Variants in RYR2 observed in about 807,000 individuals in gnomAD.
RYR2 encodes the protein cardiac muscle ryanodine receptor-calcium release channel.
A neutral mutation model predicts 601.1 loss-of-function variants in RYR2; 227 were observed. The observed-to-expected ratio is 0.38, with a 90% confidence interval of 0.34 to 0.42. RYR2 has a LOEUF of 0.42. RYR2 is among the 10% of genes least tolerant of loss of function. The probability of loss-of-function intolerance (pLI) is 1.00; values close to 1 mark genes in which losing one functional copy is unlikely to be tolerated. For missense variants in RYR2, 4,646 were observed against 6,156.5 expected (o/e 0.75, Z 8.21); for synonymous variants, 2,223 against 2,175.1 (o/e 1.02, Z -0.61).
Position 237,158,546 on chromosome 1 carries a change from TC to T in RYR2, c.49-111949del, listed in dbSNP as rs547624288. Among the ~76,000 whole-genome samples, 21 of 152,326 alleles carry T rather than the reference TC, an allele frequency of 1.4e-4. No homozygotes were observed. In the South Asian group the frequency reaches 4.4e-3, roughly 32 times the overall value. On this transcript the variant is annotated intron_variant, in intron 1 of 104. Coordinates refer to ENST00000366574, the MANE Select transcript of RYR2 (RefSeq NM_001035.3). ...CAAATCAGACAATTTTCCCTTATTT[TC>T]CTTTTTCTCTCCTGTTTTCTTCTGC...
intron 53 of RYR2, among the ~76,000 whole-genome samples, chr1:237,656,707 G>C (rs1296320654): frequency 6.6e-6 from 1 of 152,084 alleles, no homozygotes; most frequent in Non-Finnish European, 1.5e-5. Flanking sequence ...ATTATCCACG[G>C]CTTCTGAATT....
intron 99 of RYR2, among the ~76,000 whole-genome samples, chr1:237,808,330 T>A (rs768936980): frequency 3.9e-5 from 6 of 152,150 alleles, no homozygotes; most frequent in Non-Finnish European, 8.8e-5. Flanking sequence ...GAAATGCATT[T>A]TATTAGGAAT....
At chr1:237,168,013 A>G (rs571815553) in intron 1 of RYR2, among the ~76,000 whole-genome samples, 124 of 152,300 alleles carry the variant, frequency 8.1e-4, no homozygotes, top group South Asian at 4.4e-3. Context: ...AACAACAACA[A>G]TTCCTTCTTT....
At chr1:237,471,273 C>G (rs1660695368) in intron 17 of RYR2, 1 of 152,250 alleles carries the variant, frequency 6.6e-6, no homozygotes, top group South Asian at 2.1e-4. Context: ...CAACTTGCTT[C>G]TCTATGTCTG....
At chr1:237,795,848 A>ATATATATATC (rs1558433680) in intron 96 of RYR2, among the ~76,000 whole-genome samples, 1 of 118,104 alleles carries the variant, frequency 8.5e-6, no homozygotes, top group African/African-American at 3.5e-5. Flanking sequence ...ATATATATAT[A>ATATATATATC]TGTATATGTA....
intron 1 of RYR2, among the ~76,000 whole-genome samples, chr1:237,262,549 A>G (rs1688647834): frequency 6.6e-6 from 1 of 152,090 alleles, no homozygotes; most frequent in Non-Finnish European, 1.5e-5. Context: ...GAGCCACTGC[A>G]CCTGGCCAAG....
intron 69 of RYR2, 138 bp downstream of exon 69, chr1:237,709,236 T>G (rs72751282): frequency 1.2e-6 from 1 of 863,074 alleles, no homozygotes; most frequent in Non-Finnish European, 1.7e-6. Flanking sequence ...ATAGGCAAGT[T>G]AATTTTTGGC....
intron 29 of RYR2, 40 bp from the exon 30 acceptor site, chr1:237,589,753 T>C: frequency 6.4e-7 from 1 of 1,570,166 alleles, no homozygotes. Context: ...CAGGATCATA[T>C]ACTAATGGTA....
At chr1:237,286,896 G>A (rs201464628) in intron 2 of RYR2, among the ~76,000 whole-genome samples, 2 of 79,244 alleles carry the variant, frequency 2.5e-5, no homozygotes, top group African/African-American at 1.9e-4. Flanking sequence ...TTTTTAACTT[G>A]TATTTTTGTT....
chr1:237,169,653 C>A (rs1202926017), intron 1 of RYR2, among the ~76,000 whole-genome samples: 1 of 151,996 alleles, frequency 6.6e-6, no homozygotes, highest in South Asian at 2.1e-4. Context: ...AAAATAAATA[C>A]GGCTGAAATT....
At chr1:237,619,068 G>A (rs1678799536) in intron 38 of RYR2, among the ~76,000 whole-genome samples, 1 of 152,144 alleles carries the variant, frequency 6.6e-6, no homozygotes, top group Non-Finnish European at 1.5e-5. Flanking sequence ...GCTGGATGGG[G>A]TCAGAGGAAA....
chr1:237,066,944 CT>C (rs1320615440), intron 1 of RYR2, among the ~76,000 whole-genome samples: 2 of 152,118 alleles, frequency 1.3e-5, no homozygotes, highest in East Asian at 3.9e-4. Context: ...GCATCTGTGT[CT>C]TTTAAAAGTC....
intron 1 of RYR2, among the ~76,000 whole-genome samples, chr1:237,113,723 C>A (rs12140458): frequency 0.49 from 74,478 of 151,874 alleles, 18,995 homozygotes; most frequent in Middle Eastern, 0.59. Context: ...CCAGAATTTT[C>A]CAAGCAAAGG....
chr1:237,377,312 T>C lies in RYR2; in HGVS notation c.464-11T>C, dbSNP rs1701123541. 1.3e-6 allele frequency: 2 copies of C among 1,594,254 alleles called. No individual in the cohort carries two copies. Among genetic ancestry groups the C allele is most frequent in the East Asian group, 4.5e-5 (2 of 44,608 alleles). Reference sequence around the variant, plus strand: ...AACTTTTTCATGTTTCACATATCCGTATATCTGCAGGGGAGGCTTGTTGGT... The same window carrying C: ...AACTTTTTCATGTTTCACATATCCGCATATCTGCAGGGGAGGCTTGTTGGT... On this transcript the variant is annotated splice_polypyrimidine_tract_variant and intron_variant, in intron 7 of 104. Transcript: ENST00000366574.
In RYR2 at chr1:237,123,650, A is replaced by ATT. The variant is rs869177997; in HGVS notation, c.48+81108_48+81109dup. 2.0e-3 allele frequency among the ~76,000 whole-genome samples: 159 copies of ATT among 78,976 alleles called. 10 individuals are homozygous for ATT. Among genetic ancestry groups the ATT allele is most frequent in the African/African-American group, 4.2e-3 (83 of 19,790 alleles). The allele number at this position is 78,976 out of a possible 152,430, so 51.8% of individuals were successfully genotyped here. A position where few individuals can be genotyped will look rare whatever the true frequency, so the allele number is the denominator to read the frequency against. On this transcript the variant is annotated intron_variant, in intron 1 of 104. Transcript: ENST00000366574. ...TTCTCCTTTGATCCTATCAGTCACTATTTTTTTTTTTTTTTTTTTTTTTTT... is the reference window on the plus strand; with the variant it reads ...TTCTCCTTTGATCCTATCAGTCACTATTTTTTTTTTTTTTTTTTTTTTTTTTT...
intron 1 of RYR2, among the ~76,000 whole-genome samples, chr1:237,071,439 G>A (rs1408342498): frequency 6.6e-6 from 1 of 152,022 alleles, no homozygotes; most frequent in Non-Finnish European, 1.5e-5. Flanking sequence ...GGCCAGGCTG[G>A]TCTCGAACTC....
intron 3 of RYR2, among the ~76,000 whole-genome samples, chr1:237,337,550 G>A (rs961710006): frequency 6.6e-5 from 10 of 152,084 alleles, no homozygotes; most frequent in African/African-American, 2.4e-4. Flanking sequence ...ACCTTTCTGT[G>A]CCTCAATTTT....
rs73115922 is a variant in RYR2 at position 237,106,993 on chromosome 1, G to A, written c.48+64424G>A. ...TAACATATGATTTTGGGGGGACTGA[G>A]GGACATAAACATTTAGTCTGTAACA... On this transcript the variant is annotated intron_variant, in intron 1 of 104. Coordinates refer to ENST00000366574, the MANE Select transcript of RYR2 (RefSeq NM_001035.3). The surrounding 1 kb of genome is among the most constrained non-coding windows in gnomAD (Gnocchi z 4.4). Among the ~76,000 whole-genome samples, 4,723 of 152,182 alleles carry A rather than the reference G, an allele frequency of 0.031. 249 individuals are homozygous for A. Among genetic ancestry groups the A allele is most frequent in the African/African-American group, 0.11 (4,489 of 41,492 alleles).
chr1:237,261,397 T>C (rs1180751621), intron 1 of RYR2, among the ~76,000 whole-genome samples: 1 of 152,208 alleles, frequency 6.6e-6, no homozygotes, highest in Non-Finnish European at 1.5e-5. Context: ...CCATTATCTC[T>C]GACCTCATCT....
Sources: allele counts gnomAD v4.1 joint callset (sites outside exome capture counted in the v4.1 genomes callset), GRCh38; gene constraint gnomAD v4.1.1; non-coding constraint Gnocchi (gnomAD v3.1); transcripts MANE v1.5; gene names NCBI Gene and HGNC (gene_info 2026-07-23, HGNC 2026-07-21).